Variants in PDE7B observed in about 807,000 individuals in gnomAD.
PDE7B encodes phosphodiesterase 7B, also known as 3',5'-cyclic-AMP phosphodiesterase 7B.
A neutral mutation model predicts 56.2 loss-of-function variants in PDE7B; 29 were observed. The observed-to-expected ratio is 0.52, with a 90% CI of 0.38 to 0.70. The LOEUF is 0.70. Ranked by LOEUF, PDE7B falls within the 30% of genes least tolerant of loss-of-function variation. The probability of loss-of-function intolerance (pLI) is 0.00; values close to 1 mark genes in which losing one functional copy is unlikely to be tolerated. For synonymous variants in PDE7B, 197 were observed against 196.9 expected, an observed-to-expected ratio of 1.00 and a Z score of 0.00; for missense variants, 490 against 565.0, an observed-to-expected ratio of 0.87 and a Z score of 1.35.
At chr6:136,108,384 G>A (rs1177340418) in intron 2 of PDE7B, among the ~76,000 whole-genome samples, 1 of 152,086 alleles carries the variant, frequency 6.6e-6, no homozygotes, top group Non-Finnish European at 1.5e-5. Context: ...AAGAACGAAA[G>A]CTACAATGCA....
intron 8 of PDE7B, among the ~76,000 whole-genome samples, chr6:136,170,202 A>G (rs2128449657): frequency 6.6e-6 from 1 of 152,254 alleles, no homozygotes; most frequent in South Asian, 2.1e-4. Context: ...GCATAATATA[A>G]TGGGATGGTT....
chr6:135,889,712 A>G (rs1166547727), intron 1 of PDE7B, among the ~76,000 whole-genome samples: 1 of 135,020 alleles, frequency 7.4e-6, no homozygotes, highest in Non-Finnish European at 1.5e-5. Context: ...AAGTGCTGGG[A>G]TTACAAACGT....
At chr6:136,142,379 G>A (rs1379393740) in intron 3 of PDE7B, among the ~76,000 whole-genome samples, 2 of 152,192 alleles carry the variant, frequency 1.3e-5, no homozygotes, top group African/African-American at 4.8e-5. Context: ...TTCCAAGTAT[G>A]TGGTGAATTT....
intron 2 of PDE7B, among the ~76,000 whole-genome samples, chr6:135,967,695 T>C (rs1008286188): frequency 1.3e-5 from 2 of 152,242 alleles, no homozygotes; most frequent in Non-Finnish European, 1.5e-5. Context: ...TGAGGGATGC[T>C]TAATTTTGTA....
At chr6:136,022,995 A>G (rs1474631795) in intron 2 of PDE7B, among the ~76,000 whole-genome samples, 1 of 151,992 alleles carries the variant, frequency 6.6e-6, no homozygotes, top group Non-Finnish European at 1.5e-5. Flanking sequence ...GAAGGGTCTC[A>G]GAAAAAAAAA....
At chr6:136,090,394 TGG>T (rs2128216024) in intron 2 of PDE7B, among the ~76,000 whole-genome samples, 1 of 152,324 alleles carries the variant, frequency 6.6e-6, no homozygotes, top group Non-Finnish European at 1.5e-5. Context: ...AAGGGATTGT[TGG>T]GATATGAAAT....
intron 2 of PDE7B, among the ~76,000 whole-genome samples, chr6:135,973,156 A>G: frequency 6.6e-6 from 1 of 151,036 alleles, no homozygotes; most frequent in East Asian, 1.9e-4. Flanking sequence ...CACCATGGAA[A>G]CCACCGGTAT....
At chr6:136,033,216 A>C (rs1776270524) in intron 2 of PDE7B, among the ~76,000 whole-genome samples, 1 of 152,226 alleles carries the variant, frequency 6.6e-6, no homozygotes, top group Admixed American at 6.5e-5. Context: ...GAGAAAATCA[A>C]GTCTTCCTGC....
intron 1 of PDE7B, among the ~76,000 whole-genome samples, chr6:135,877,298 G>A (rs936536042): frequency 6.8e-6 from 1 of 147,046 alleles, no homozygotes; most frequent in Non-Finnish European, 1.5e-5. Context: ...GTCATGTTTT[G>A]GGATTGCTTC....
chr6:135,977,266 TA>T (rs1170882785), intron 2 of PDE7B, among the ~76,000 whole-genome samples: 8 of 152,112 alleles, frequency 5.3e-5, no homozygotes, highest in African/African-American at 1.7e-4. Flanking sequence ...ATCATAGATC[TA>T]GGGATCCAGA....
At chr6:136,159,834 C>T (rs9483910) in intron 8 of PDE7B, among the ~76,000 whole-genome samples, 36,424 of 152,148 alleles carry the variant, frequency 0.24, 12,051 homozygotes, top group African/African-American at 0.74. Context: ...AAGTGTCCAA[C>T]AAATAGAGGA....
intron 2 of PDE7B, among the ~76,000 whole-genome samples, chr6:135,995,009 T>C (rs1775539837): frequency 6.6e-6 from 1 of 152,184 alleles, no homozygotes; most frequent in Non-Finnish European, 1.5e-5. Context: ...GGCTTCCCCA[T>C]AATCAAAGAT....
intron 2 of PDE7B, among the ~76,000 whole-genome samples, chr6:135,978,687 AC>A (rs2128203946): frequency 6.6e-6 from 1 of 152,136 alleles, no homozygotes; most frequent in South Asian, 2.1e-4. Context: ...AATTTTTTTA[AC>A]TTTTGAAACT....
chr6:135,930,166 C>T (rs1000056681), intron 1 of PDE7B, among the ~76,000 whole-genome samples: 1 of 152,120 alleles, frequency 6.6e-6, no homozygotes, highest in African/African-American at 2.4e-5. Context: ...GAGCAAGTCA[C>T]CTCTTACATG....
Position 136,050,598 on chromosome 6 carries a change from G to A in PDE7B, c.83-58133G>A, listed in dbSNP as rs112269133. ...TTGCCTGGAGGTAGAATTTCAAGCA[G>A]GGCCAGTGTAAGTGGCTATTGTGGC... On this transcript the variant is annotated intron_variant, in intron 2 of 12. Transcript: ENST00000308191. 5.5e-3 allele frequency among the ~76,000 whole-genome samples: 835 copies of A among 152,282 alleles called. 13 individuals carry two copies. Among genetic ancestry groups the A allele is most frequent in the Middle Eastern group, 6.8e-3 (2 of 294 alleles).
Position 135,882,553 on chromosome 6 carries a change from A to G in PDE7B, c.21+30534A>G, listed in dbSNP as rs569833123. Among the ~76,000 whole-genome samples, 263 of 152,284 alleles carry G rather than the reference A, an allele frequency of 1.7e-3. 1 individual carries two copies. The highest frequency in any genetic ancestry group is 5.8e-3 in the African/African-American group (242 of 41,560). ...CCTCAATTTAAACCTTATTCAATAA[A>G]TACATACACTTCACAGACTGAACAG... On this transcript the variant is annotated intron_variant, in intron 1 of 12. Transcript: ENST00000308191.
At chr6:135,859,483 A>T (rs1775104165) in intron 1 of PDE7B, among the ~76,000 whole-genome samples, 1 of 152,290 alleles carries the variant, frequency 6.6e-6, no homozygotes, top group South Asian at 2.1e-4. Context: ...AGGAATAAAC[A>T]TAAAACAGGA....
chr6:136,066,464 T>G (rs555606620), intron 2 of PDE7B, among the ~76,000 whole-genome samples: 111 of 152,244 alleles, frequency 7.3e-4, no homozygotes, highest in Non-Finnish European at 1.2e-3. Context: ...TATGAGAGAT[T>G]CAAAGCCCTT....
chr6:136,089,531 C>T (rs1777351526), intron 2 of PDE7B, among the ~76,000 whole-genome samples: 1 of 152,038 alleles, frequency 6.6e-6, no homozygotes, highest in Non-Finnish European at 1.5e-5. Flanking sequence ...TTGGGGCCAT[C>T]TTTTGAATAT....
Sources: allele counts gnomAD v4.1 joint callset (sites outside exome capture counted in the v4.1 genomes callset), GRCh38; gene constraint gnomAD v4.1.1; transcripts MANE v1.5; gene names NCBI Gene and HGNC (gene_info 2026-07-23, HGNC 2026-07-21).